The following ACSS3 variants were observed in gnomAD, a reference collection of about 807,000 sequenced individuals.
The protein encoded by ACSS3 is acyl-CoA synthetase short-chain family member 3, mitochondrial.
Under a neutral mutation model 84.2 loss-of-function variants are expected in ACSS3, and 64 were observed. The observed-to-expected ratio is 0.76, with a 90% confidence interval of 0.62 to 0.94. The LOEUF is 0.94. ACSS3 is among the 40% of genes least tolerant of loss of function. The probability of loss-of-function intolerance (pLI) is 0.00; values close to 1 mark genes in which losing one functional copy is unlikely to be tolerated. For missense variants in ACSS3, 815 were observed against 867.6 expected (o/e 0.94, Z 0.76); for synonymous variants, 317 against 310.1 (o/e 1.02, Z -0.23).
intron 7 of ACSS3, among the ~76,000 whole-genome samples, chr12:81,158,925 G>A (rs768775859): frequency 7.9e-5 from 12 of 152,140 alleles, no homozygotes; most frequent in Non-Finnish European, 1.2e-4. Context: ...TAAGGAAGGA[G>A]TCATCTGAGT....
chr12:81,206,792 C>A (rs2032368741), intron 9 of ACSS3, among the ~76,000 whole-genome samples: 1 of 152,090 alleles, frequency 6.6e-6, no homozygotes, highest in Admixed American at 6.6e-5. Context: ...AACCTTTTGT[C>A]AAATGTAAGG....
chr12:81,161,773 G>T (rs1887161766), intron 7 of ACSS3, among the ~76,000 whole-genome samples: 1 of 152,182 alleles, frequency 6.6e-6, no homozygotes, highest in South Asian at 2.1e-4. Flanking sequence ...CCTGCCAAGG[G>T]CAAGCCAGGA....
intron 11 of ACSS3, among the ~76,000 whole-genome samples, chr12:81,225,136 G>GTAGA (rs1193441673): frequency 6.6e-6 from 1 of 151,528 alleles, no homozygotes; most frequent in African/African-American, 2.4e-5. Flanking sequence ...CATATTCCAT[G>GTAGA]TAGATAAAGG....
intron 11 of ACSS3, among the ~76,000 whole-genome samples, chr12:81,229,589 A>G (rs942728706): frequency 8.6e-5 from 13 of 151,916 alleles, no homozygotes; most frequent in Admixed American, 5.3e-4. Context: ...AGTTAAGAGA[A>G]CCCAGAGGGA....
intron 2 of ACSS3, among the ~76,000 whole-genome samples, chr12:81,132,540 TAGCA>T (rs1885571869): frequency 6.6e-6 from 1 of 152,162 alleles, no homozygotes; most frequent in Non-Finnish European, 1.5e-5. Flanking sequence ...TTAGTCTTGC[TAGCA>T]GTCTATCTAT....
At chr12:81,215,381 C>T (rs533434478) in intron 9 of ACSS3, among the ~76,000 whole-genome samples, 6 of 152,254 alleles carry the variant, frequency 3.9e-5, no homozygotes, top group African/African-American at 1.4e-4. Flanking sequence ...GACTTAGGAA[C>T]TGTGTTTTGA....
At position 81,256,946 on chromosome 12, in the gene ACSS3, T is replaced by G. The variant is rs2034321741; in HGVS notation, c.*2024T>G. 1 of 152,196 alleles carries G rather than the reference T, an allele frequency of 6.6e-6. No homozygotes were observed. Among genetic ancestry groups the G allele is most frequent in the Admixed American group, 6.5e-5 (1 of 15,268 alleles). 9.4% of individuals were successfully genotyped at this position (152,196 alleles called of 1,614,324 possible). On this transcript the variant is annotated 3_prime_UTR_variant, in exon 16 of 16. Coordinates refer to ENST00000548058, the MANE Select transcript of ACSS3 (RefSeq NM_024560.4). The stretch of plus-strand genomic sequence containing the variant: ...GTTTTATCCATTGTCACAACTGTGG[T>G]CTTCATTAATAACTCATTTTAATGT...
At chr12:81,101,856 G>A in intron 1 of ACSS3, among the ~76,000 whole-genome samples, 1 of 151,358 alleles carries the variant, frequency 6.6e-6, no homozygotes, top group East Asian at 1.9e-4. Flanking sequence ...ATACTTACTG[G>A]TCATTTTCAT....
chr12:81,150,573 C>T (rs926902649), intron 5 of ACSS3, among the ~76,000 whole-genome samples: 6 of 152,198 alleles, frequency 3.9e-5, no homozygotes, highest in Admixed American at 1.3e-4. Flanking sequence ...TGGAGATCAA[C>T]AGGGCCAGCT....
chr12:81,134,908 T>C lies in ACSS3; in HGVS notation c.549T>C (p.Tyr183=). The stretch of plus-strand genomic sequence containing the variant: ...TGCCTATGATCCCACAGGCGATGTA[T>C]ACCATGTTGGCATGTGCAAGGATAG... The part of the protein sequence containing the change: ...IYMPMIPQAM[Y]TMLACARIGA... The change falls in exon 3 of 16, where the codon TAT becomes TAC. Residue 183 remains tyrosine (Y), a synonymous_variant. Transcript: ENST00000548058. 1.2e-6 allele frequency: 2 copies of C among 1,607,812 alleles called. No individual in the cohort carries two copies. The highest frequency in any genetic ancestry group is 1.7e-6 in the Non-Finnish European group (2 of 1,176,704).
intron 8 of ACSS3, among the ~76,000 whole-genome samples, chr12:81,188,927 A>T (rs1213404706): frequency 1.3e-5 from 2 of 152,126 alleles, no homozygotes; most frequent in Non-Finnish European, 2.9e-5. Flanking sequence ...TTTTGTGGTG[A>T]GAACACTTTA....
chr12:81,142,944 T>A (rs1212109849), intron 4 of ACSS3, among the ~76,000 whole-genome samples, 163 bp from the exon 5 acceptor site: 2 of 152,188 alleles, frequency 1.3e-5, no homozygotes, highest in Non-Finnish European at 2.9e-5. Flanking sequence ...AACATTTATG[T>A]TAAATCATGA....
intron 2 of ACSS3, among the ~76,000 whole-genome samples, chr12:81,131,928 T>C (rs1885531823): frequency 6.6e-6 from 1 of 152,106 alleles, no homozygotes; most frequent in Non-Finnish European, 1.5e-5. Context: ...ATGGATTACG[T>C]TTATTGATTT....
At chr12:81,175,194 G>C (rs2030386099) in intron 8 of ACSS3, among the ~76,000 whole-genome samples, 1 of 152,016 alleles carries the variant, frequency 6.6e-6, no homozygotes, top group African/African-American at 2.4e-5. Flanking sequence ...AATCACTCTT[G>C]TTATATTTTC....
intron 7 of ACSS3, among the ~76,000 whole-genome samples, chr12:81,160,488 A>G (rs1887095705): frequency 6.6e-6 from 1 of 152,206 alleles, no homozygotes; most frequent in Admixed American, 6.5e-5. Context: ...TAGAAATACT[A>G]ACATATGTGT....
At chr12:81,173,072 T>A (rs2135815316) in intron 7 of ACSS3, among the ~76,000 whole-genome samples, 1 of 152,338 alleles carries the variant, frequency 6.6e-6, no homozygotes, top group African/African-American at 2.4e-5. Context: ...TCATTTTCAC[T>A]TGGGTGAGAT....
chr12:81,201,649 C>G (rs946721134), intron 9 of ACSS3, among the ~76,000 whole-genome samples: 1 of 152,142 alleles, frequency 6.6e-6, no homozygotes, highest in Non-Finnish European at 1.5e-5. Flanking sequence ...TGTGCTGTCA[C>G]TGTAATCAGG....
In ACSS3 at chr12:81,233,235, G is replaced by A. The variant is rs568770796; in HGVS notation, c.1597-114G>A. 5.7e-5 allele frequency: 70 copies of A among 1,236,370 alleles called. No individual in the cohort carries two copies. The African/African-American group carries it at 9.2e-4, about 16-fold the overall frequency. The allele number at this position is 1,236,370 out of a possible 1,614,324, so 76.6% of individuals were successfully genotyped here. A position where few individuals can be genotyped will look rare whatever the true frequency, so the allele number is the denominator to read the frequency against. ...ATTTCCTAGTCTAGTTACGAAAAAC[G>A]GCAAATGTTCACAGTAAATCCATTT... On this transcript the variant is annotated intron_variant, in intron 12 of 15. Transcript: ENST00000548058.
At chr12:81,154,364 T>C (rs1478645519) in intron 7 of ACSS3, among the ~76,000 whole-genome samples, 1 of 152,154 alleles carries the variant, frequency 6.6e-6, no homozygotes, top group Non-Finnish European at 1.5e-5. Context: ...TGATGGAGGG[T>C]TGTTTGTTTC....
Sources: gnomAD v4.1 joint callset for allele counts (sites outside exome capture counted in the v4.1 genomes callset) on GRCh38, gnomAD v4.1.1 for gene constraint, MANE v1.5 for transcripts, NCBI Gene and HGNC (gene_info 2026-07-23, HGNC 2026-07-21) for gene names.